The following NDUFA5 variants were observed in gnomAD, a reference collection of about 807,000 sequenced individuals.
NDUFA5 encodes NADH:ubiquinone oxidoreductase subunit A5.
In NDUFA5, 11 loss-of-function variants were observed where a neutral mutation model predicts 19.8. The observed-to-expected ratio is 0.56, with a 90% CI of 0.35 to 0.92. The LOEUF (loss-of-function observed/expected upper bound fraction) is 0.92. NDUFA5 is among the 40% of genes least tolerant of loss of function. NDUFA5 has a pLI of 0.01. For synonymous variants in NDUFA5, 47 were observed against 46.8 expected (o/e 1.00, Z -0.01); for missense variants, 109 against 134.2 (o/e 0.81, Z 0.93).
rs375779933 is a variant in NDUFA5, at chr7:123,557,807, C to A, written c.-12G>T. 3.1e-6 allele frequency: 5 copies of A among 1,614,020 alleles called. No homozygotes were observed. The highest frequency in any genetic ancestry group is 2.2e-5 in the South Asian group (2 of 91,078). On this transcript the variant is annotated 5_prime_UTR_variant, in exon 1 of 5. Coordinates refer to ENST00000355749, the MANE Select transcript of NDUFA5 (RefSeq NM_005000.5). ...AGCACACCCGCCATGACAGCGCCAA[C>A]GACTCGGTGACGCACAACCCTTTGG...
At chr7:123,600,504 A>T in the NDUFA5 span, among the ~76,000 whole-genome samples, 1 of 152,062 alleles carries the variant, frequency 6.6e-6, no homozygotes, top group African/African-American at 2.4e-5. Flanking sequence ...TATTGTAAGT[A>T]AAAAAAAGTT....
At chr7:123,571,379 C>T in the NDUFA5 span, among the ~76,000 whole-genome samples, 1 of 152,062 alleles carries the variant, frequency 6.6e-6, no homozygotes, top group Admixed American at 6.6e-5. Context: ...AAGAACAATA[C>T]AAAAATGCTA....
At chr7:123,599,784 G>A in the NDUFA5 span, among the ~76,000 whole-genome samples, 1 of 152,142 alleles carries the variant, frequency 6.6e-6, no homozygotes, top group Admixed American at 6.5e-5. Flanking sequence ...TAGAAGGAAT[G>A]CGTATTTGGA....
At chr7:123,563,403 G>A in the NDUFA5 span, among the ~76,000 whole-genome samples, 1 of 152,184 alleles carries the variant, frequency 6.6e-6, no homozygotes, top group African/African-American at 2.4e-5. Flanking sequence ...GGAGAGAGAT[G>A]GGGAACAGCC....
chr7:123,544,399 G>A (rs369954041), intron 4 of NDUFA5, among the ~76,000 whole-genome samples: 1 of 151,506 alleles, frequency 6.6e-6, no homozygotes, highest in East Asian at 1.9e-4. Context: ...TTAGGAGGCT[G>A]AGGCAGGAGA....
upstream of NDUFA5, among the ~76,000 whole-genome samples, chr7:123,559,235 A>G (rs1303623362): frequency 3.3e-5 from 5 of 152,038 alleles, no homozygotes; most frequent in East Asian, 9.6e-4. Context: ...AGAAAAACAC[A>G]AACTACCTAA....
At chr7:123,550,008 T>C (rs1798273394) in intron 3 of NDUFA5, 1 of 156,408 alleles carries the variant, frequency 6.4e-6, no homozygotes, top group Non-Finnish European at 1.4e-5. Context: ...TTAACAATAG[T>C]ACAATATAGT....
the NDUFA5 span, among the ~76,000 whole-genome samples, chr7:123,588,485 C>T: frequency 6.6e-6 from 1 of 151,108 alleles, no homozygotes; most frequent in African/African-American, 2.4e-5. Flanking sequence ...TCTTGTTTGT[C>T]TTATCTCTAT....
the NDUFA5 span, among the ~76,000 whole-genome samples, chr7:123,573,576 C>A: frequency 6.6e-6 from 1 of 152,080 alleles, no homozygotes; most frequent in African/African-American, 2.4e-5. Context: ...CCCCTGCCAT[C>A]CCAAACACTC....
At chr7:123,566,019 A>G in the NDUFA5 span, among the ~76,000 whole-genome samples, 690 of 148,060 alleles carry the variant, frequency 4.7e-3, 4 homozygotes, top group African/African-American at 0.015. Flanking sequence ...ACTCCGTCTA[A>G]AAAAAAAAAA....
At chr7:123,582,712 G>T in the NDUFA5 span, among the ~76,000 whole-genome samples, 1 of 151,800 alleles carries the variant, frequency 6.6e-6, no homozygotes, top group Non-Finnish European at 1.5e-5. Flanking sequence ...ATCGTCTAAG[G>T]CATACTCTTG....
chr7:123,542,251 G>T, intron 4 of NDUFA5, 31 bp from the exon 5 acceptor site: 1 of 1,500,970 alleles, frequency 6.7e-7, no homozygotes. Context: ...AAAGATCATT[G>T]GATTTTACTC....
At chr7:123,545,041 T>C (rs924062853) in intron 4 of NDUFA5, among the ~76,000 whole-genome samples, 1 of 151,984 alleles carries the variant, frequency 6.6e-6, no homozygotes, top group Non-Finnish European at 1.5e-5. Context: ...ATTCTAAATG[T>C]AATTAATAAT....
chr7:123,584,272 A>C, the NDUFA5 span, among the ~76,000 whole-genome samples: 4 of 141,772 alleles, frequency 2.8e-5, no homozygotes, highest in South Asian at 6.7e-4. Flanking sequence ...TGATCGTGCC[A>C]CTGCACTCAG....
intron 3 of NDUFA5, among the ~76,000 whole-genome samples, chr7:123,546,421 T>C (rs748758087): frequency 7.2e-5 from 11 of 152,162 alleles, no homozygotes; most frequent in Non-Finnish European, 1.6e-4. Context: ...TCTGGAAAAG[T>C]CCTTTTTTTC....
At chr7:123,565,712 C>G in the NDUFA5 span, among the ~76,000 whole-genome samples, 2 of 151,898 alleles carry the variant, frequency 1.3e-5, no homozygotes, top group Non-Finnish European at 2.9e-5. Context: ...GAAACCCCAC[C>G]TCTACTAAAA....
chr7:123,576,864 T>C, the NDUFA5 span, among the ~76,000 whole-genome samples: 17 of 152,314 alleles, frequency 1.1e-4, no homozygotes, highest in African/African-American at 3.8e-4. Context: ...GCTGGTTACA[T>C]TATTCCAGTT....
At chr7:123,601,526 A>G in the NDUFA5 span, among the ~76,000 whole-genome samples, 1 of 152,202 alleles carries the variant, frequency 6.6e-6, no homozygotes, top group Non-Finnish European at 1.5e-5. Context: ...AAAGACTTAC[A>G]GATTTGTCTC....
intron 1 of NDUFA5, 105 bp from the exon 2 acceptor site, chr7:123,557,553 A>G: frequency 6.2e-7 from 1 of 1,611,618 alleles, no homozygotes; most frequent in South Asian, 1.1e-5. Context: ...AACTGGTCTA[A>G]AGCCAGCTAC....
Sources: allele counts gnomAD v4.1 joint callset (sites outside exome capture counted in the v4.1 genomes callset), GRCh38; gene constraint gnomAD v4.1.1; transcripts MANE v1.5; gene names NCBI Gene and HGNC (gene_info 2026-07-23, HGNC 2026-07-21).